RIMS1: variants seen among roughly 807,000 people sequenced by gnomAD.
RIMS1 encodes the protein regulating synaptic membrane exocytosis protein 1.
In RIMS1, 83 loss-of-function variants were observed where a neutral mutation model predicts 214.1. The observed-to-expected ratio is 0.39, with a 90% CI of 0.32 to 0.47. RIMS1 has a LOEUF of 0.47. RIMS1 is among the 20% of genes least tolerant of loss of function. The pLI is 0.99. For synonymous variants in RIMS1, 793 were observed against 786.8 expected (o/e 1.01, Z -0.13); for missense variants, 2,050 against 2,161.8 (o/e 0.95, Z 1.03).
At chr6:71,955,004 G>C (rs1050936450) in intron 1 of RIMS1, among the ~76,000 whole-genome samples, 1 of 151,632 alleles carries the variant, frequency 6.6e-6, no homozygotes, top group Non-Finnish European at 1.5e-5. Context: ...TGGCTTCTTT[G>C]CTCTAAAAAT....
chr6:72,270,964 T>C (rs1321605695), intron 22 of RIMS1, among the ~76,000 whole-genome samples: 1 of 152,106 alleles, frequency 6.6e-6, no homozygotes, highest in East Asian at 1.9e-4. Context: ...ATATGTATCA[T>C]AGATCTTGTT....
intron 4 of RIMS1, among the ~76,000 whole-genome samples, chr6:72,163,940 C>T (rs1405485832): frequency 6.6e-6 from 1 of 152,178 alleles, no homozygotes; most frequent in East Asian, 1.9e-4. Flanking sequence ...ACATTTAAGT[C>T]TCCAGAGGTT....
chr6:72,216,718 A>G, intron 6 of RIMS1: 1 of 986,134 alleles, frequency 1.0e-6, no homozygotes, highest in Non-Finnish European at 1.2e-6. Flanking sequence ...TGTCAGTGGG[A>G]ACAAGATGAG....
chr6:72,299,233 A>AT (rs1241177891), intron 26 of RIMS1, among the ~76,000 whole-genome samples: 1 of 151,884 alleles, frequency 6.6e-6, no homozygotes, highest in East Asian at 1.9e-4. Flanking sequence ...TTTAGATACT[A>AT]TTTTTTAAGT....
chr6:72,099,118 C>A (rs1406878042), intron 3 of RIMS1, among the ~76,000 whole-genome samples: 2 of 152,214 alleles, frequency 1.3e-5, no homozygotes, highest in Non-Finnish European at 2.9e-5. Context: ...GCTTGCTAAG[C>A]ACCCACAACT....
chr6:72,299,654 G>A (rs1474655411), intron 26 of RIMS1, among the ~76,000 whole-genome samples: 2 of 151,724 alleles, frequency 1.3e-5, no homozygotes, highest in East Asian at 3.9e-4. Flanking sequence ...AAACTTATGA[G>A]CATTAACTTT....
At position 72,265,019 on chromosome 6, in the gene RIMS1, T is replaced by C. The variant is rs767980292; in HGVS notation, c.3161T>C (p.Leu1054Ser). ...HYKTLPPKMP[L>S]LQSSSHWNIY... ...AAAACATTACCTCCCAAGATGCCTTTATTACAGAGCAGTTCTCACTGGAAT... is the reference window on the plus strand; with the variant it reads ...AAAACATTACCTCCCAAGATGCCTTCATTACAGAGCAGTTCTCACTGGAAT... The change falls in exon 20 of 34, where the codon TTA (leucine) becomes TCA (serine). Residue 1054 changes from leucine (L) to serine (S), a missense_variant. This residue lies in a region of RIMS1 where 889 missense variants were observed against 885.5 expected (regional missense o/e 1.00). Transcript: ENST00000521978. 6.3e-7 allele frequency: 1 copy of C among 1,595,408 alleles called. No individual in the cohort carries two copies. The highest frequency in any genetic ancestry group is 1.7e-5 in the Admixed American group (1 of 58,282).
At chr6:72,400,070 A>G (rs1315822524) in intron 33 of RIMS1, among the ~76,000 whole-genome samples, 1 of 152,192 alleles carries the variant, frequency 6.6e-6, no homozygotes, top group Non-Finnish European at 1.5e-5. Context: ...TGGTACATAC[A>G]TTCCATGGTA....
At chr6:72,153,034 G>A (rs13214406) in intron 4 of RIMS1, among the ~76,000 whole-genome samples, 2 of 136,594 alleles carry the variant, frequency 1.5e-5, no homozygotes, top group East Asian at 2.0e-4. Flanking sequence ...GTGTATATAT[G>A]TGTGTGTGTG....
Position 72,168,281 on chromosome 6 carries a change from G to A in RIMS1, c.472-11294G>A, listed in dbSNP as rs139655835. Among the ~76,000 whole-genome samples the A allele has an allele frequency of 5.9e-3, 892 of 152,290 alleles. 2 individuals carry two copies. The highest frequency in any genetic ancestry group is 9.2e-3 in the Non-Finnish European group (627 of 68,016). Reference sequence around the variant, plus strand: ...CTGAGGGGTTTAAGGCAGATGAAGAGACTAAGGCAAGTTTTATAGCAAGAG... The same window carrying A: ...CTGAGGGGTTTAAGGCAGATGAAGAAACTAAGGCAAGTTTTATAGCAAGAG... On this transcript the variant is annotated intron_variant, in intron 4 of 33. Transcript: ENST00000521978.
chr6:72,350,943 G>T (rs1348126318), intron 29 of RIMS1, among the ~76,000 whole-genome samples: 2 of 152,072 alleles, frequency 1.3e-5, no homozygotes, highest in Non-Finnish European at 2.9e-5. Flanking sequence ...GACTTTTAAA[G>T]TAGAATATAA....
chr6:72,052,770 A>AT (rs997937315), intron 2 of RIMS1, among the ~76,000 whole-genome samples: 14 of 152,180 alleles, frequency 9.2e-5, no homozygotes, highest in African/African-American at 3.4e-4. Flanking sequence ...TTCCTTGTTG[A>AT]TTTAGTTGTT....
chr6:72,242,259 C>A, intron 9 of RIMS1, 55 bp from the exon 10 acceptor site: 4 of 1,320,116 alleles, frequency 3.0e-6, no homozygotes, highest in Non-Finnish European at 4.1e-6. Context: ...AGAAAAGATA[C>A]GAAAAATAAA....
intron 16 of RIMS1, among the ~76,000 whole-genome samples, chr6:72,254,474 T>C: frequency 6.6e-6 from 1 of 152,226 alleles, no homozygotes; most frequent in East Asian, 1.9e-4. Context: ...CAAATAGGAA[T>C]TAGATTATAC....
intron 2 of RIMS1, among the ~76,000 whole-genome samples, chr6:71,979,028 C>T (rs772155698): frequency 6.6e-6 from 1 of 152,030 alleles, no homozygotes; most frequent in Non-Finnish European, 1.5e-5. Context: ...TTATGCAAAT[C>T]GTTCTATGCC....
chr6:72,185,012 T>C (rs2048900710), intron 6 of RIMS1, among the ~76,000 whole-genome samples: 1 of 152,210 alleles, frequency 6.6e-6, no homozygotes, highest in East Asian at 1.9e-4. Context: ...GGATGTTTTG[T>C]CCCTGAAGTC....
chr6:72,062,455 G>A (rs894520798), intron 2 of RIMS1, among the ~76,000 whole-genome samples: 5 of 151,928 alleles, frequency 3.3e-5, no homozygotes, highest in African/African-American at 4.8e-5. Context: ...GTTATCAGAT[G>A]GGTTAAAAAC....
At chr6:72,297,302 TTAGGTCAGAAGAATGTAG>T (rs1430936197) in intron 26 of RIMS1, among the ~76,000 whole-genome samples, 1 of 151,986 alleles carries the variant, frequency 6.6e-6, no homozygotes, top group African/African-American at 2.4e-5. Flanking sequence ...TGTACTTTAC[TTAGGTCAGAAGAATGTAG>T]TTGGATTTGC....
chr6:71,977,238 C>T (rs2151438317), intron 2 of RIMS1, among the ~76,000 whole-genome samples: 1 of 152,282 alleles, frequency 6.6e-6, no homozygotes, highest in East Asian at 1.9e-4. Context: ...CTTGCTGCTG[C>T]TGAGCCATGT....
Sources: allele counts gnomAD v4.1 joint callset (sites outside exome capture counted in the v4.1 genomes callset), GRCh38; gene constraint gnomAD v4.1.1; regional missense constraint gnomAD v4.1.1; transcripts MANE v1.5; gene names NCBI Gene and HGNC (gene_info 2026-07-23, HGNC 2026-07-21).